GLT1D1: variants seen among roughly 807,000 people sequenced by gnomAD.
GLT1D1 encodes the protein glycosyltransferase 1 domain-containing protein 1.
Under a neutral mutation model 28.7 loss-of-function variants are expected in GLT1D1, and 21 were observed. The ratio of observed to expected loss-of-function variants is 0.73; its 90% CI spans 0.52 to 1.05. The LOEUF is 1.05. Ranked by LOEUF, GLT1D1 falls within the 50% of genes least tolerant of loss-of-function variation. The pLI is 0.00. For synonymous variants in GLT1D1, 147 were observed against 124.8 expected, an observed-to-expected ratio of 1.18 and a Z score of -1.19; for missense variants, 343 against 330.6, an observed-to-expected ratio of 1.04 and a Z score of -0.29.
intron 3 of GLT1D1, among the ~76,000 whole-genome samples, chr12:128,891,509 T>C (rs748503590): frequency 5.9e-5 from 9 of 152,230 alleles, no homozygotes; most frequent in Non-Finnish European, 1.0e-4. Context: ...AAACTGGTAA[T>C]TGATTTTATC....
chr12:128,982,881 T>C (rs756338558), intron 7 of GLT1D1, 48 bp from the exon 12 acceptor site: 1 of 1,593,088 alleles, frequency 6.3e-7, no homozygotes, highest in Non-Finnish European at 8.6e-7. Flanking sequence ...ATTTGCAAAA[T>C]CTCCCTTCAT....
intron 1 of GLT1D1, among the ~76,000 whole-genome samples, chr12:128,868,772 C>A (rs1956611529): frequency 6.6e-6 from 1 of 152,174 alleles, no homozygotes. Flanking sequence ...TTCCAGTAGT[C>A]ACATTAAACA....
At chr12:128,893,909 A>G (rs1869350933) in intron 3 of GLT1D1, among the ~76,000 whole-genome samples, 1 of 152,102 alleles carries the variant, frequency 6.6e-6, no homozygotes, top group Non-Finnish European at 1.5e-5. Flanking sequence ...TAAGTTTCTC[A>G]GTTTTGAAGT....
intron 4 of GLT1D1, among the ~76,000 whole-genome samples, chr12:128,932,308 C>T (rs1874004392): frequency 6.6e-6 from 1 of 152,164 alleles, no homozygotes; most frequent in Admixed American, 6.5e-5. Flanking sequence ...CACACCCCAA[C>T]TGGATCGCCG....
chr12:128,923,144 G>A (rs1593136756), intron 4 of GLT1D1, among the ~76,000 whole-genome samples: 3 of 152,004 alleles, frequency 2.0e-5, no homozygotes, highest in South Asian at 2.1e-4. Flanking sequence ...AAGTGGTGTC[G>A]CCATAAGTCA....
chr12:128,897,939 T>C (rs1248352161), intron 3 of GLT1D1, among the ~76,000 whole-genome samples: 1 of 152,224 alleles, frequency 6.6e-6, no homozygotes, highest in Non-Finnish European at 1.5e-5. Context: ...AGTGCTGGGA[T>C]TACAGGTGTG....
At chr12:128,922,162 C>CTGTGTGTGTGTGTG (rs57835879) in intron 4 of GLT1D1, among the ~76,000 whole-genome samples, 27 of 148,798 alleles carry the variant, frequency 1.8e-4, no homozygotes, top group African/African-American at 6.4e-4. Flanking sequence ...TATGTAAACT[C>CTGTGTGTGTGTGTG]TGTGTGTGTG....
chr12:128,902,528 G>A (rs1870400079), intron 4 of GLT1D1, among the ~76,000 whole-genome samples: 1 of 150,932 alleles, frequency 6.6e-6, no homozygotes, highest in Non-Finnish European at 1.5e-5. Context: ...GTTCCCTGAT[G>A]CAGCTAAACT....
chr12:128,869,541 G>A (rs1956631751), intron 1 of GLT1D1, among the ~76,000 whole-genome samples: 1 of 151,812 alleles, frequency 6.6e-6, no homozygotes. Flanking sequence ...AAACATATTT[G>A]AAATACACAT....
chr12:128,917,237 C>T (rs1242100947), intron 4 of GLT1D1, among the ~76,000 whole-genome samples: 1 of 152,074 alleles, frequency 6.6e-6, no homozygotes, highest in African/African-American at 2.4e-5. Flanking sequence ...AGTCTAGAAA[C>T]CAAGTAGTGT....
chr12:128,868,510 C>T (rs945767505), intron 1 of GLT1D1, among the ~76,000 whole-genome samples: 3 of 152,174 alleles, frequency 2.0e-5, no homozygotes, highest in Non-Finnish European at 4.4e-5. Flanking sequence ...CGCAGGCCTC[C>T]GGGAACTTCT....
At chr12:128,926,879 G>T (rs1223549620) in intron 4 of GLT1D1, among the ~76,000 whole-genome samples, 1 of 152,076 alleles carries the variant, frequency 6.6e-6, no homozygotes, top group African/African-American at 2.4e-5. Context: ...CAGTAAATTA[G>T]AAATCTGGAC....
intron 6 of GLT1D1, among the ~76,000 whole-genome samples, chr12:128,955,874 T>C (rs1877219638): frequency 6.6e-6 from 1 of 150,566 alleles, no homozygotes; most frequent in African/African-American, 2.4e-5. Flanking sequence ...ATCTGTGGAG[T>C]GGTGCTTTGG....
chr12:128,859,553 CA>C (rs2135756117), intron 1 of GLT1D1, among the ~76,000 whole-genome samples: 1 of 152,226 alleles, frequency 6.6e-6, no homozygotes, highest in South Asian at 2.1e-4. Context: ...AGCCCCTCCC[CA>C]AGAGTGACCC....
intron 4 of GLT1D1, among the ~76,000 whole-genome samples, chr12:128,939,625 C>G (rs1874917992): frequency 6.6e-6 from 1 of 152,116 alleles, no homozygotes; most frequent in Non-Finnish European, 1.5e-5. Flanking sequence ...TTAATTGGCT[C>G]AAGTTCCTCA....
chr12:128,868,949 A>C (rs1333229298), intron 1 of GLT1D1, among the ~76,000 whole-genome samples: 1 of 152,082 alleles, frequency 6.6e-6, no homozygotes, highest in Non-Finnish European at 1.5e-5. Flanking sequence ...AGCTCACTGC[A>C]ACCACCGCCT....
At chr12:128,919,975 CT>C (rs1872502640) in intron 4 of GLT1D1, among the ~76,000 whole-genome samples, 4 of 3,128 alleles carry the variant, frequency 1.3e-3, no homozygotes, top group Non-Finnish European at 3.8e-3. Context: ...CTCTCTCTCT[CT>C]CTCTCTCTCT....
intron 4 of GLT1D1, among the ~76,000 whole-genome samples, chr12:128,931,394 G>A (rs1440326470): frequency 2.7e-5 from 4 of 149,874 alleles, no homozygotes; most frequent in African/African-American, 7.4e-5. Flanking sequence ...TGCAACCTCC[G>A]CCTCCTGGGT....
intron 4 of GLT1D1, chr12:128,944,400 C>T (rs1875746249): frequency 1.7e-6 from 2 of 1,193,902 alleles, no homozygotes; most frequent in South Asian, 1.2e-5. Flanking sequence ...TGGTAATAGT[C>T]CAGGACTGGC....
Sources: gnomAD v4.1 joint callset for allele counts (sites outside exome capture counted in the v4.1 genomes callset) on GRCh38, gnomAD v4.1.1 for gene constraint, MANE v1.5 for transcripts, NCBI Gene and HGNC (gene_info 2026-07-23, HGNC 2026-07-21) for gene names.